RAB7A: variants seen among roughly 807,000 people sequenced by gnomAD.
The protein encoded by RAB7A is RAB7A, member RAS oncogene family.
RAB7A carries 2 observed loss-of-function variants against 24.5 expected under a neutral mutation model. The ratio of observed to expected loss-of-function variants is 0.08; its 90% CI spans 0.03 to 0.26. The LOEUF is 0.26. Among genes scored for constraint, RAB7A ranks in the 10% least tolerant of loss-of-function variants. The pLI is 1.00. For synonymous variants in RAB7A, 100 were observed against 95.9 expected, an observed-to-expected ratio of 1.04 and a Z score of -0.25; for missense variants, 118 against 255.7, an observed-to-expected ratio of 0.46 and a Z score of 3.67.
chr3:128,786,982 A>C (rs1377857682), intron 1 of RAB7A, among the ~76,000 whole-genome samples: 1 of 152,254 alleles, frequency 6.6e-6, no homozygotes, highest in Non-Finnish European at 1.5e-5. Flanking sequence ...ATGCAAAGTT[A>C]TACATGGTAT....
intron 2 of RAB7A, among the ~76,000 whole-genome samples, chr3:128,797,246 T>C (rs1002488119): frequency 4.6e-5 from 7 of 152,206 alleles, no homozygotes; most frequent in African/African-American, 9.6e-5. Context: ...AACACAAATA[T>C]GAACATGTTC....
At chr3:128,812,959 A>C (rs1933956092) in intron 5 of RAB7A, among the ~76,000 whole-genome samples, 1 of 152,212 alleles carries the variant, frequency 6.6e-6, no homozygotes, top group Non-Finnish European at 1.5e-5. Context: ...AACCATTGGC[A>C]ACTATAGGGA....
At chr3:128,804,177 C>T (rs1933755574) in intron 3 of RAB7A, among the ~76,000 whole-genome samples, 1 of 151,202 alleles carries the variant, frequency 6.6e-6, no homozygotes, top group East Asian at 1.9e-4. Flanking sequence ...ACCTTTTCCT[C>T]ATTTTAATGC....
chr3:128,783,039 ATATC>A (rs1933255030), intron 1 of RAB7A, among the ~76,000 whole-genome samples: 1 of 152,182 alleles, frequency 6.6e-6, no homozygotes, highest in Non-Finnish European at 1.5e-5. Context: ...CCAAAAATGT[ATATC>A]TAAACAAAGA....
chr3:128,797,887 G>C (rs1417352832), intron 2 of RAB7A, 56 bp from the exon 3 acceptor site: 3 of 1,592,724 alleles, frequency 1.9e-6, no homozygotes, highest in East Asian at 4.5e-5. Context: ...AGTAATTCGT[G>C]TCAGTTTCAG....
intron 1 of RAB7A, among the ~76,000 whole-genome samples, chr3:128,731,611 G>T (rs934511093): frequency 1.3e-5 from 2 of 152,204 alleles, no homozygotes; most frequent in African/African-American, 4.8e-5. Flanking sequence ...TGGAATGTCA[G>T]TCTAGGTCTG....
At chr3:128,768,371 A>G (rs891102119) in intron 1 of RAB7A, among the ~76,000 whole-genome samples, 1 of 152,206 alleles carries the variant, frequency 6.6e-6, no homozygotes, top group Non-Finnish European at 1.5e-5. Flanking sequence ...TGTTACAACA[A>G]AAGCTGCTGT....
intron 3 of RAB7A, among the ~76,000 whole-genome samples, chr3:128,805,871 C>G (rs1372199258): frequency 2.0e-5 from 3 of 152,154 alleles, no homozygotes; most frequent in African/African-American, 7.2e-5. Context: ...AGGCTGGTCT[C>G]AAACTCCTGA....
At chr3:128,798,398 C>G (rs1310620564) in intron 3 of RAB7A, 5 of 319,324 alleles carry the variant, frequency 1.6e-5, no homozygotes, top group Non-Finnish European at 3.0e-5. Context: ...TCTTGTGCCT[C>G]TCTTGACATC....
chr3:128,764,571 C>T (rs1453661008), intron 1 of RAB7A: 4 of 1,389,218 alleles, frequency 2.9e-6, no homozygotes, highest in Non-Finnish European at 4.0e-6. Flanking sequence ...CGTGGTCACC[C>T]AATTCTTTGA....
At chr3:128,774,901 C>G (rs1933042078) in intron 1 of RAB7A, among the ~76,000 whole-genome samples, 1 of 152,112 alleles carries the variant, frequency 6.6e-6, no homozygotes, top group Non-Finnish European at 1.5e-5. Context: ...GTGCCTCAGC[C>G]TCCCGTATGG....
At chr3:128,751,904 T>TA (rs2070684872) in intron 1 of RAB7A, among the ~76,000 whole-genome samples, 1 of 152,206 alleles carries the variant, frequency 6.6e-6, no homozygotes. Flanking sequence ...GAATAAGTCT[T>TA]ACGAGATCTG....
intron 2 of RAB7A, among the ~76,000 whole-genome samples, chr3:128,797,390 TG>T (rs1190331898): frequency 2.0e-5 from 3 of 152,220 alleles, no homozygotes; most frequent in Non-Finnish European, 4.4e-5. Flanking sequence ...AAAACATATT[TG>T]GAGGAGCATT....
intron 1 of RAB7A, among the ~76,000 whole-genome samples, chr3:128,771,838 C>T (rs1394573202): frequency 6.6e-6 from 1 of 152,192 alleles, no homozygotes; most frequent in Non-Finnish European, 1.5e-5. Flanking sequence ...GGCTTCAGCC[C>T]TGGAAGCCAT....
At chr3:128,727,385 C>A (rs2070391651) in intron 1 of RAB7A, among the ~76,000 whole-genome samples, 1 of 151,498 alleles carries the variant, frequency 6.6e-6, no homozygotes, top group Non-Finnish European at 1.5e-5. Flanking sequence ...TTCACGTACC[C>A]CTGAAGCTTG....
chr3:128,756,469 CAT>C (rs1337767197), intron 1 of RAB7A, among the ~76,000 whole-genome samples: 4 of 151,862 alleles, frequency 2.6e-5, no homozygotes, highest in Non-Finnish European at 4.4e-5. Context: ...AGGAGAAAGA[CAT>C]GTATAGAAAG....
chr3:128,728,910 A>G (rs550348028), intron 1 of RAB7A, among the ~76,000 whole-genome samples: 6 of 152,302 alleles, frequency 3.9e-5, no homozygotes, highest in African/African-American at 7.2e-5. Context: ...TAGCACTGAT[A>G]GTGTACTGGC....
intron 1 of RAB7A, among the ~76,000 whole-genome samples, chr3:128,791,642 T>C (rs1478160283): frequency 6.6e-6 from 1 of 152,154 alleles, no homozygotes; most frequent in African/African-American, 2.4e-5. Flanking sequence ...GTAAATTACA[T>C]TTGGATGGGA....
chr3:128,736,396 CAT>C (rs2070489886), intron 1 of RAB7A, among the ~76,000 whole-genome samples: 2 of 152,090 alleles, frequency 1.3e-5, no homozygotes, highest in South Asian at 4.2e-4. Context: ...TCTTTTGAAA[CAT>C]AGATTTTCAG....
Sources: gnomAD v4.1 joint callset for allele counts (sites outside exome capture counted in the v4.1 genomes callset) on GRCh38, gnomAD v4.1.1 for gene constraint, MANE v1.5 for transcripts, NCBI Gene and HGNC (gene_info 2026-07-23, HGNC 2026-07-21) for gene names.